Variants in TULP1 observed in about 807,000 individuals in gnomAD.
The protein encoded by TULP1 is tubby-related protein 1.
Under a neutral mutation model 67.1 loss-of-function variants are expected in TULP1, and 50 were observed. The observed-to-expected ratio is 0.75, with a 90% confidence interval of 0.59 to 0.94. The LOEUF (loss-of-function observed/expected upper bound fraction) is 0.94. Ranked by LOEUF, TULP1 falls within the 40% of genes least tolerant of loss-of-function variation. TULP1 has a pLI of 0.00. For missense variants in TULP1, 746 were observed against 734.1 expected (o/e 1.02, Z -0.19); for synonymous variants, 297 against 294.0 (o/e 1.01, Z -0.11).
At chr6:35,512,080 A>T in intron 3 of TULP1, 100 bp downstream of exon 3, 2 of 340,950 alleles carry the variant, frequency 5.9e-6, no homozygotes, top group Non-Finnish European at 8.4e-6. Flanking sequence ...CTCCTCCCCC[A>T]CCCCGTTCCA....
intron 4 of TULP1, 27 bp from the exon 5 acceptor site, chr6:35,511,037 G>A (rs1369621968): frequency 1.2e-6 from 2 of 1,600,950 alleles, no homozygotes; most frequent in African/African-American, 2.7e-5. Context: ...TTCATAATGG[G>A]GGTTTGAGCC....
At chr6:35,505,007 G>A (rs1220763314) in intron 11 of TULP1, among the ~76,000 whole-genome samples, 1 of 152,120 alleles carries the variant, frequency 6.6e-6, no homozygotes, top group Non-Finnish European at 1.5e-5. Context: ...CATGATCCCA[G>A]CTCACTGCAA....
intron 10 of TULP1, 57 bp downstream of exon 10, chr6:35,505,946 G>T: frequency 6.2e-7 from 1 of 1,614,090 alleles, no homozygotes; most frequent in Non-Finnish European, 8.5e-7. Flanking sequence ...CGTTTGTCCC[G>T]TGGCCCCCAT....
At chr6:35,500,879 C>A (rs1417222467) in intron 13 of TULP1, among the ~76,000 whole-genome samples, 1 of 152,172 alleles carries the variant, frequency 6.6e-6, no homozygotes, top group Non-Finnish European at 1.5e-5. Flanking sequence ...TTATTCCAGG[C>A]ATAGGAAGGA....
Position 35,503,083 on chromosome 6 carries a change from G to A in TULP1, c.1323+476C>T, listed in dbSNP as rs1448601980. On this transcript the variant is annotated intron_variant, in intron 13 of 14. Coordinates refer to ENST00000229771, the MANE Select transcript of TULP1 (RefSeq NM_003322.6). The surrounding 1 kb of genome is among the most constrained non-coding windows in gnomAD (Gnocchi z 4.0). ...CTCCCAAGTAGCTGGGACTATAGGC[G>A]CCCGCCACCATGCCCGGCTAATTTT... Among the ~76,000 whole-genome samples, 1 of 151,818 alleles carries A rather than the reference G, an allele frequency of 6.6e-6. No homozygotes were observed. Among genetic ancestry groups the A allele is most frequent in the Non-Finnish European group, 1.5e-5 (1 of 67,986 alleles).
At chr6:35,510,600 C>A in intron 5 of TULP1, 2 of 632,514 alleles carry the variant, frequency 3.2e-6, no homozygotes, top group African/African-American at 1.8e-5. Context: ...ACAAAAATCA[C>A]AAAGAAAACT....
At position 35,499,855 on chromosome 6, in the gene TULP1, G is replaced by A. The variant is rs1176255445; in HGVS notation, c.1495+126C>T. On this transcript the variant is annotated intron_variant, in intron 14 of 14. Transcript: ENST00000229771. ...CCTATGGAGGAGAGAGTGACCCTGT[G>A]GGATGTCCCAGCTCTCGGGATAAAG... is the stretch of plus-strand genomic sequence containing the variant. 5 of 1,192,916 alleles carry A rather than the reference G, an allele frequency of 4.2e-6. No homozygotes were observed. The East Asian group carries it at 1.2e-4, about 28-fold the overall frequency. The allele number at this position is 1,192,916 out of a possible 1,614,324, so 73.9% of individuals were successfully genotyped here. A position where few individuals can be genotyped will look rare whatever the true frequency, so the allele number is the denominator to read the frequency against.
Position 35,503,775 on chromosome 6 carries a change from C to A in TULP1, c.1186G>T (p.Val396Leu). The A allele has an allele frequency of 6.2e-7, 1 of 1,613,690 alleles. No individual in the cohort carries two copies. The highest frequency in any genetic ancestry group is 8.5e-7 in the Non-Finnish European group (1 of 1,179,886). ...GCCAGCTCCTGCCGAAGGCTTGCCA[C>A]ATTAGTGCTGTACCCACGCTGTGGG... The part of the protein sequence containing the change: ...QNPQRGYSTN[V>L]ASLRQELAAV... Residue 396 changes from valine to leucine, a missense_variant, in exon 12 of 15, where the codon GTG (valine) becomes TTG (leucine). Physicochemically the swap from Val to Leu is conservative, Grantham distance 32. This residue lies in a region of TULP1 where 383 missense variants were observed against 374.1 expected (regional missense o/e 1.02). Transcript: ENST00000229771. This position sits in a 1 kb window ranked among gnomAD's most constrained non-coding sequence, Gnocchi z 4.0.
chr6:35,501,621 G>A (rs1760962183), intron 13 of TULP1, among the ~76,000 whole-genome samples: 2 of 142,030 alleles, frequency 1.4e-5, no homozygotes, highest in Admixed American at 1.4e-4. Flanking sequence ...AGACCAACCT[G>A]GCCATCATGG....
chr6:35,501,948 C>G (rs980517018), intron 13 of TULP1, among the ~76,000 whole-genome samples: 9 of 152,164 alleles, frequency 5.9e-5, no homozygotes, highest in Non-Finnish European at 1.2e-4. Context: ...CCTCTCCCCC[C>G]AGCCACACTG....
rs765597804 is a variant in TULP1 at position 35,503,635 on chromosome 6, C to T, written c.1247G>A (p.Arg416His). Residue 416 changes from arginine to histidine, a missense_variant, in exon 13 of 15, where the codon CGT becomes CAT. Physicochemically the swap from Arg to His is conservative, Grantham distance 29 (BLOSUM62 0). Transcript: ENST00000229771. This position sits in a 1 kb window ranked among gnomAD's most constrained non-coding sequence, Gnocchi z 4.0. The stretch of plus-strand genomic sequence containing the variant: ...GATGACGGTCATGCGCCGGGGGCCA[C>T]GGAAGCCCAGCACGTTGGTTTCCTG... Reference protein sequence around the residue: ...VIYETNVLGFRGPRRMTVIIP... With the variant: ...VIYETNVLGFHGPRRMTVIIP... The T allele has an allele frequency of 5.1e-5, 82 of 1,599,746 alleles. No individual in the cohort carries two copies. The highest frequency in any genetic ancestry group is 6.1e-5 in the Non-Finnish European group (72 of 1,173,420).
intron 13 of TULP1, among the ~76,000 whole-genome samples, chr6:35,502,504 T>A (rs187930230): frequency 4.5e-4 from 67 of 149,228 alleles, no homozygotes; most frequent in Admixed American, 2.0e-3. Context: ...ATTTTTTTTT[T>A]AATTTTTGAG....
chr6:35,504,055 C>T (rs1761029538), intron 11 of TULP1: 1 of 543,664 alleles, frequency 1.8e-6, no homozygotes, highest in Admixed American at 3.1e-5. Context: ...GTGGCTCAAG[C>T]TTGTAATCCC....
intron 3 of TULP1, 38 bp from the exon 4 acceptor site, chr6:35,511,844 G>A (rs759693108): frequency 1.3e-6 from 2 of 1,492,954 alleles, no homozygotes; most frequent in Non-Finnish European, 1.8e-6. Flanking sequence ...GGTCCCATCC[G>A]CGGGTCCGCG....
intron 7 of TULP1, 35 bp downstream of exon 7, chr6:35,509,599 A>G: frequency 6.2e-7 from 1 of 1,603,792 alleles, no homozygotes; most frequent in Non-Finnish European, 8.5e-7. Flanking sequence ...GGACCACCTC[A>G]AGATGTCACC....
Position 35,500,210 on chromosome 6 carries a change from T to C in TULP1, c.1324-58A>G. 4 of 1,592,626 alleles carry C rather than the reference T, an allele frequency of 2.5e-6. No homozygotes were observed. The South Asian group carries it at 3.3e-5, about 13-fold the overall frequency. On this transcript the variant is annotated intron_variant, in intron 13 of 14. Coordinates refer to ENST00000229771, the MANE Select transcript of TULP1 (RefSeq NM_003322.6). ...GACAGTTAGAGATGGCTGAGATGGC[T>C]CAGGACTGACCGGAGAAGGGGCCTG...
At chr6:35,512,350 G>T in intron 2 of TULP1, 80 bp from the exon 3 acceptor site, 3 of 798,848 alleles carry the variant, frequency 3.8e-6, no homozygotes, top group East Asian at 5.5e-5. Context: ...AATCCCTTGA[G>T]CCGCCAGAAA....
chr6:35,512,774 C>T (rs1486356325), intron 1 of TULP1, 38 bp downstream of exon 1: 1 of 1,582,748 alleles, frequency 6.3e-7, no homozygotes, highest in Admixed American at 1.7e-5. Context: ...TCTAGGCCCC[C>T]CAGGGTTCAG....
Position 35,509,677 on chromosome 6 carries a change from C to A in TULP1, c.675G>T (p.Leu225=). 1 of 1,614,098 alleles carries A rather than the reference C, an allele frequency of 6.2e-7. No homozygotes were observed. Among genetic ancestry groups the A allele is most frequent in the Non-Finnish European group, 8.5e-7 (1 of 1,180,032 alleles). ...SARKSPAAMF[L]VGEGSPDKKA... ...TCTTGTCAGGACTGCCTTCCCCAACCAGAAACATGGCTGCTGGGCTCTTCC... is the reference window on the plus strand; with the variant it reads ...TCTTGTCAGGACTGCCTTCCCCAACAAGAAACATGGCTGCTGGGCTCTTCC... Residue 225 remains leucine (L), a synonymous_variant, in exon 7 of 15, where the codon CTG becomes CTT. Transcript: ENST00000229771.
Sources: gnomAD v4.1 joint callset for allele counts (sites outside exome capture counted in the v4.1 genomes callset) on GRCh38, gnomAD v4.1.1 for gene constraint, gnomAD v4.1.1 regional missense constraint, Gnocchi (gnomAD v3.1) non-coding constraint, MANE v1.5 for transcripts, NCBI Gene and HGNC (gene_info 2026-07-23, HGNC 2026-07-21) for gene names.